LRFN1: variants seen among roughly 807,000 people sequenced by gnomAD.
LRFN1 encodes leucine rich repeat and fibronectin type III domain containing 1.
LRFN1 carries 20 observed loss-of-function variants against 31.8 expected under a neutral mutation model. That is an observed-to-expected ratio of 0.63 (90% CI 0.44 to 0.91). LRFN1 has a LOEUF of 0.91. LRFN1 is among the 40% of genes least tolerant of loss of function. The pLI is 0.00. For synonymous variants in LRFN1, 514 were observed against 541.3 expected (o/e 0.95, Z 0.70); for missense variants, 912 against 1,129.8 (o/e 0.81, Z 2.76).
At chr19:39,318,287 C>T (rs1041316250) in intron 2 of LRFN1, 39 bp downstream of exon 2, 4 of 152,716 alleles carry the variant, frequency 2.6e-5, no homozygotes, top group Non-Finnish European at 5.9e-5. Flanking sequence ...CATCACCCCC[C>T]ATGTCTCTCT....
intron 2 of LRFN1, among the ~76,000 whole-genome samples, chr19:39,317,305 C>T (rs1257175443): frequency 1.3e-5 from 2 of 152,082 alleles, no homozygotes; most frequent in African/African-American, 2.4e-5. Flanking sequence ...AAAAAGAGGC[C>T]GGATCGGGGT....
chr19:39,309,504 A>C (rs893347483), intron 4 of LRFN1, among the ~76,000 whole-genome samples: 3 of 149,760 alleles, frequency 2.0e-5, no homozygotes, highest in South Asian at 2.1e-4. Context: ...AAAAAAAAAA[A>C]AAACCATCTA....
In LRFN1 at chr19:39,308,669, A is replaced by T; in HGVS notation, c.1407-127T>A. The T allele has an allele frequency of 1.2e-6, 1 of 815,976 alleles. No homozygotes were observed. The highest frequency in any genetic ancestry group is 1.9e-6 in the Non-Finnish European group (1 of 533,440). 50.5% of individuals were successfully genotyped at this position (815,976 alleles called of 1,614,324 possible). A position where few individuals can be genotyped will look rare whatever the true frequency, so the allele number is the denominator to read the frequency against. The stretch of plus-strand genomic sequence containing the variant: ...TCGAAGTCTCAGCCGCTACTGAGAC[A>T]ACAGCAGCAATTCAAGCCCCGCCTC... On this transcript the variant is annotated intron_variant, in intron 4 of 4. Transcript: ENST00000248668. This position sits in a 1 kb window ranked among gnomAD's most constrained non-coding sequence, Gnocchi z 6.2.
chr19:39,313,892 C>A (rs772868371), intron 4 of LRFN1, 39 bp downstream of exon 4: 2 of 1,547,928 alleles, frequency 1.3e-6, no homozygotes, highest in Non-Finnish European at 1.7e-6. Context: ...TCCCCCTGGG[C>A]TTGGGAGGAG....
intron 4 of LRFN1, among the ~76,000 whole-genome samples, chr19:39,311,070 T>C (rs61407534): frequency 0.027 from 4,121 of 152,266 alleles, 75 homozygotes; most frequent in Middle Eastern, 0.037. Flanking sequence ...CTCCTTCCCC[T>C]AAATAGCCAG....
In LRFN1 at chr19:39,307,899, G is replaced by T. The variant is rs1403042140; in HGVS notation, c.2050C>A (p.Pro684Thr). Reference protein sequence around the residue: ...SGALEPPTSAPPTLALVPGGA... With the variant: ...SGALEPPTSATPTLALVPGGA... The stretch of plus-strand genomic sequence containing the variant: ...CCAGGAACTAGAGCTAGAGTAGGGG[G>T]CGCCGAGGTTGGTGGCTCCAGGGCG... Residue 684 changes from proline to threonine, a missense_variant, in exon 5 of 5, where the codon CCC becomes ACC. Around this residue, in one of 2 missense-constraint regions of LRFN1, gnomAD observed 511 missense variants for 557.0 expected, o/e 0.92. Coordinates refer to ENST00000248668, the MANE Select transcript of LRFN1 (RefSeq NM_020862.2). This position sits in a 1 kb window ranked among gnomAD's most constrained non-coding sequence, Gnocchi z 6.7. 1 of 1,565,970 alleles carries T rather than the reference G, an allele frequency of 6.4e-7. No individual in the cohort carries two copies. The highest frequency in any genetic ancestry group is 1.2e-5 in the South Asian group (1 of 86,432).
In LRFN1 at chr19:39,315,773, C is replaced by T. The variant is rs1333089797; in HGVS notation, c.-38+309G>A. ...GGTGGAGGTTGCAGTGAGCCGAGAT[C>T]ACACCATTGCAATCCAGTCTGGGCG... On this transcript the variant is annotated intron_variant, in intron 3 of 4. Transcript: ENST00000248668. This position sits in a 1 kb window ranked among gnomAD's most constrained non-coding sequence, Gnocchi z 4.7. 6.0e-5 allele frequency among the ~76,000 whole-genome samples: 9 copies of T among 150,840 alleles called. No individual in the cohort carries two copies. Among genetic ancestry groups the T allele is most frequent in the African/African-American group, 2.2e-4 (9 of 40,934 alleles).
intron 4 of LRFN1, among the ~76,000 whole-genome samples, chr19:39,310,087 A>G (rs2075145712): frequency 6.6e-6 from 1 of 152,110 alleles, no homozygotes; most frequent in South Asian, 2.1e-4. Context: ...CCTCCCGGAC[A>G]GCTGAGATTA....
chr19:39,309,418 C>T (rs911118184), intron 4 of LRFN1, among the ~76,000 whole-genome samples: 2 of 142,438 alleles, frequency 1.4e-5, no homozygotes, highest in African/African-American at 5.3e-5. Context: ...CACATCATTG[C>T]ACTCTAGCTT....
chr19:39,320,369 G>C (rs1358505070), intron 1 of LRFN1, among the ~76,000 whole-genome samples: 1 of 148,878 alleles, frequency 6.7e-6, no homozygotes, highest in Non-Finnish European at 1.5e-5. Context: ...GGCACACCCG[G>C]CTCCACAGAC....
At chr19:39,309,478 C>CAAAAAAAA (rs71169583) in intron 4 of LRFN1, among the ~76,000 whole-genome samples, 488 of 31,982 alleles carry the variant, frequency 0.015, 89 homozygotes, top group African/African-American at 0.067. Flanking sequence ...ACAAACAAAC[C>CAAAAAAAA]AAAAAAAAAA....
Position 39,306,868 on chromosome 19 carries a change from G to A in LRFN1, c.*765C>T, listed in dbSNP as rs1378267508. 2 of 157,700 alleles carry A rather than the reference G, an allele frequency of 1.3e-5. No individual in the cohort carries two copies. The highest frequency in any genetic ancestry group is 6.5e-5 in the Admixed American group (1 of 15,376). The allele number at this position is 157,700 out of a possible 1,614,324, so 9.8% of individuals were successfully genotyped here. A position where few individuals can be genotyped will look rare whatever the true frequency, so the allele number is the denominator to read the frequency against. On this transcript the variant is annotated 3_prime_UTR_variant, in exon 5 of 5. Coordinates refer to ENST00000248668, the MANE Select transcript of LRFN1 (RefSeq NM_020862.2). Reference sequence around the variant, plus strand: ...TGCTGCGGCGGAGGGTCCCGGCTCCGGTAGGGAGGGGGATTTGGTTTTGGA... The same window carrying A: ...TGCTGCGGCGGAGGGTCCCGGCTCCAGTAGGGAGGGGGATTTGGTTTTGGA...
At position 39,308,159 on chromosome 19, in the gene LRFN1, G is replaced by GGGGCCTGTGCC. The variant is rs1272340722; in HGVS notation, c.1779_1789dup (p.Pro597ArgfsTer95). 1 of 1,558,332 alleles carries GGGGCCTGTGCC rather than the reference G, an allele frequency of 6.4e-7. No individual in the cohort carries two copies. Among genetic ancestry groups the GGGGCCTGTGCC allele is most frequent in the Non-Finnish European group, 8.7e-7 (1 of 1,152,922 alleles). On this transcript the variant is annotated frameshift_variant, in exon 5 of 5. Coordinates refer to ENST00000248668, the MANE Select transcript of LRFN1 (RefSeq NM_020862.2). LOFTEE classifies it low-confidence loss of function (END_TRUNC). This position sits in a 1 kb window ranked among gnomAD's most constrained non-coding sequence, Gnocchi z 6.2. ...GTAGTGGTCCTGGGCCGGCAGGGCCGGGGCCTGTGCCGCGCCTGTGCCTGC... is the reference window on the plus strand; with the variant it reads ...GTAGTGGTCCTGGGCCGGCAGGGCCGGGGCCTGTGCCGGGCCTGTGCCGCGCCTGTGCCTGC...
intron 1 of LRFN1, among the ~76,000 whole-genome samples, chr19:39,319,683 C>T (rs2075181892): frequency 1.3e-5 from 2 of 152,120 alleles, no homozygotes; most frequent in South Asian, 4.1e-4. Flanking sequence ...ACACACATTC[C>T]TCCCAGCCCT....
intron 2 of LRFN1, among the ~76,000 whole-genome samples, chr19:39,316,817 C>T (rs566908323): frequency 2.3e-4 from 35 of 152,276 alleles, no homozygotes; most frequent in Non-Finnish European, 1.9e-4. Context: ...GTTCCCATCA[C>T]AACACAGGGT....
Position 39,307,179 on chromosome 19 carries a change from G to A in LRFN1, c.*454C>T. ...ACCAGGAATGTGCGTGGGGTGGGGT[G>A]GGAGGCTTTGGAGGCCGCCGCGGGA... On this transcript the variant is annotated 3_prime_UTR_variant, in exon 5 of 5. Transcript: ENST00000248668. This position sits in a 1 kb window ranked among gnomAD's most constrained non-coding sequence, Gnocchi z 6.7. The A allele has an allele frequency of 5.0e-6, 2 of 397,140 alleles. No individual in the cohort carries two copies. Among genetic ancestry groups the A allele is most frequent in the Non-Finnish European group, 8.9e-6 (2 of 225,624 alleles). The allele number at this position is 397,140 out of a possible 1,614,324, so 24.6% of individuals were successfully genotyped here. A position where few individuals can be genotyped will look rare whatever the true frequency, so the allele number is the denominator to read the frequency against.
At position 39,307,339 on chromosome 19, in the gene LRFN1, G is replaced by A. The variant is rs1311953789; in HGVS notation, c.*294C>T. The A allele has an allele frequency of 2.5e-6, 1 of 403,756 alleles. No individual in the cohort carries two copies. Among genetic ancestry groups the A allele is most frequent in the Non-Finnish European group, 4.4e-6 (1 of 229,032 alleles). 25.0% of individuals were successfully genotyped at this position (403,756 alleles called of 1,614,324 possible). On this transcript the variant is annotated 3_prime_UTR_variant, in exon 5 of 5. Transcript: ENST00000248668. The surrounding 1 kb of genome is among the most constrained non-coding windows in gnomAD (Gnocchi z 6.7). ...CCTGCCCCTCCCCGCGCTTCGCTGTGTAAGGCACCGGCTCCAGCGAGGTCC... is the reference window on the plus strand; with the variant it reads ...CCTGCCCCTCCCCGCGCTTCGCTGTATAAGGCACCGGCTCCAGCGAGGTCC...
rs1486103210 is a variant in LRFN1, at chr19:39,314,911, C to A, written c.426G>T (p.Leu142=). The change falls in exon 4 of 5, where the codon CTG becomes CTT. Residue 142 remains leucine, a synonymous_variant. Transcript: ENST00000248668. ...GGCGGATCTGGTTGTTTCCAAGGAT[C>A]AGGTGGCGGAGGTTGCCCAGGCCGC... ...QLRGLGNLRH[L]ILGNNQIRRV... is the part of the protein sequence containing the mutation. 1.2e-6 allele frequency: 2 copies of A among 1,608,540 alleles called. No individual in the cohort carries two copies.
intron 2 of LRFN1, among the ~76,000 whole-genome samples, chr19:39,316,525 C>T (rs995325469): frequency 6.6e-6 from 1 of 152,216 alleles, no homozygotes; most frequent in Admixed American, 6.5e-5. Context: ...TTTCCCCCCT[C>T]CCGCCTCTGG....
Sources: gnomAD v4.1 joint callset for allele counts (sites outside exome capture counted in the v4.1 genomes callset) on GRCh38, gnomAD v4.1.1 for gene constraint, gnomAD v4.1.1 regional missense constraint, Gnocchi (gnomAD v3.1) non-coding constraint, MANE v1.5 for transcripts, NCBI Gene and HGNC (gene_info 2026-07-23, HGNC 2026-07-21) for gene names.